ZNF385D: variants seen among roughly 807,000 people sequenced by gnomAD.
ZNF385D encodes zinc finger protein 659.
A neutral mutation model predicts 35.8 loss-of-function variants in ZNF385D; 15 were observed. The observed-to-expected ratio is 0.42, with a 90% CI of 0.28 to 0.64. ZNF385D has a LOEUF of 0.64. ZNF385D is among the 30% of genes least tolerant of loss of function. ZNF385D has a pLI of 0.23. For missense variants in ZNF385D, 474 were observed against 494.6 expected (o/e 0.96, Z 0.39); for synonymous variants, 212 against 186.8 (o/e 1.13, Z -1.10).
chr3:21,928,549 C>T (rs1037720425), intron 3 of ZNF385D, among the ~76,000 whole-genome samples: 2 of 151,970 alleles, frequency 1.3e-5, no homozygotes, highest in Non-Finnish European at 1.5e-5. Flanking sequence ...GCATGTGGAA[C>T]ATATTTCATA....
At chr3:21,526,303 A>C (rs1348729683) in intron 3 of ZNF385D, among the ~76,000 whole-genome samples, 1 of 151,902 alleles carries the variant, frequency 6.6e-6, no homozygotes, top group Admixed American at 6.6e-5. Flanking sequence ...CCTGCACACA[A>C]ACTTCCAAGC....
chr3:22,251,901 T>C (rs749721045), intron 2 of ZNF385D, among the ~76,000 whole-genome samples: 2 of 152,058 alleles, frequency 1.3e-5, no homozygotes, highest in African/African-American at 2.4e-5. Flanking sequence ...TTTTGTAAAA[T>C]AAGGTTTGGG....
chr3:22,210,141 G>A (rs35986684), intron 2 of ZNF385D, among the ~76,000 whole-genome samples: 26,385 of 151,790 alleles, frequency 0.17, 2,467 homozygotes, highest in African/African-American at 0.2. Context: ...GAAGGCAAGT[G>A]AAAGAGTCAT....
chr3:22,209,263 C>T (rs1192151910), intron 2 of ZNF385D, among the ~76,000 whole-genome samples: 2 of 151,834 alleles, frequency 1.3e-5, no homozygotes, highest in African/African-American at 4.8e-5. Context: ...ATAGACATGT[C>T]ACAAATGTTC....
At chr3:22,213,389 T>C (rs559339923) in intron 2 of ZNF385D, among the ~76,000 whole-genome samples, 2 of 152,202 alleles carry the variant, frequency 1.3e-5, no homozygotes, top group African/African-American at 4.8e-5. Flanking sequence ...ACCATTGGGT[T>C]ATAGTTTGTG....
chr3:21,493,971 C>CT (rs932982180), intron 4 of ZNF385D, among the ~76,000 whole-genome samples: 1 of 151,778 alleles, frequency 6.6e-6, no homozygotes, highest in Non-Finnish European at 1.5e-5. Flanking sequence ...GAAAAACAGG[C>CT]TTTTTTTTCC....
chr3:21,421,501 T>C, intron 7 of ZNF385D, 54 bp from the exon 8 acceptor site: 3 of 1,358,690 alleles, frequency 2.2e-6, no homozygotes, highest in Non-Finnish European at 3.1e-6. Flanking sequence ...AATTTGTACT[T>C]AAAACCCAAA....
chr3:21,664,080 T>C (rs1234481308), intron 2 of ZNF385D, among the ~76,000 whole-genome samples: 1 of 149,242 alleles, frequency 6.7e-6, no homozygotes. Context: ...TAACAACCAC[T>C]GTTGTTATCT....
chr3:21,719,700 G>A (rs567052756), intron 1 of ZNF385D, among the ~76,000 whole-genome samples: 4 of 152,202 alleles, frequency 2.6e-5, no homozygotes, highest in African/African-American at 7.2e-5. Flanking sequence ...ACTCTCTAGC[G>A]CCAGTCCGAT....
In ZNF385D at chr3:21,736,792, G is replaced by C. The variant is rs551374844; in HGVS notation, c.22+14103C>G. On this transcript the variant is annotated intron_variant, in intron 1 of 7. Transcript: ENST00000281523. ...TATCCTACAAATCCATGCTCTAAGA[G>C]GTCTTCAAGGCAGTTTGTCAGTTTA... Among the ~76,000 whole-genome samples the C allele has an allele frequency of 2.0e-5, 3 of 152,256 alleles. No individual in the cohort carries two copies. In the East Asian group the frequency reaches 5.8e-4, roughly 29 times the overall value.
intron 2 of ZNF385D, among the ~76,000 whole-genome samples, chr3:21,649,870 C>G (rs964153562): frequency 2.0e-5 from 3 of 152,046 alleles, no homozygotes; most frequent in Non-Finnish European, 4.4e-5. Context: ...TTGCTTGTCT[C>G]TTTATAAATT....
At chr3:21,818,616 C>T (rs796242113) in intron 3 of ZNF385D, among the ~76,000 whole-genome samples, 1 of 151,618 alleles carries the variant, frequency 6.6e-6, no homozygotes, top group African/African-American at 2.4e-5. Context: ...AGAGCATGGG[C>T]GTATGGAGGA....
intron 2 of ZNF385D, among the ~76,000 whole-genome samples, chr3:22,308,632 GAA>G (rs1163146212): frequency 6.6e-6 from 1 of 151,884 alleles, no homozygotes; most frequent in Non-Finnish European, 1.5e-5. Context: ...GAGGCGGCAT[GAA>G]AAAAGAGTTA....
At chr3:21,546,280 G>T (rs1559390405) in intron 3 of ZNF385D, among the ~76,000 whole-genome samples, 1 of 152,140 alleles carries the variant, frequency 6.6e-6, no homozygotes, top group South Asian at 2.1e-4. Flanking sequence ...GTAGGAATCC[G>T]GATTGATACT....
intron 1 of ZNF385D, among the ~76,000 whole-genome samples, chr3:21,682,541 G>T (rs1559514808): frequency 1.3e-5 from 2 of 150,112 alleles, no homozygotes; most frequent in African/African-American, 4.9e-5. Flanking sequence ...TGGAAGAAAG[G>T]ACACATTTTC....
intron 3 of ZNF385D, among the ~76,000 whole-genome samples, chr3:22,025,605 G>C (rs931894670): frequency 4.6e-5 from 7 of 152,114 alleles, no homozygotes; most frequent in African/African-American, 1.7e-4. Flanking sequence ...AGTTTAAAAA[G>C]GTTCTAACAG....
intron 2 of ZNF385D, among the ~76,000 whole-genome samples, chr3:21,621,586 T>TGTGTGTGTGC (rs745931181): frequency 6.7e-6 from 1 of 148,822 alleles, no homozygotes; most frequent in African/African-American, 2.5e-5. Context: ...TGTGTGTGTG[T>TGTGTGTGTGC]GCAGTGTAGT....
At chr3:21,577,670 C>A (rs2063532806) in intron 2 of ZNF385D, among the ~76,000 whole-genome samples, 1 of 152,072 alleles carries the variant, frequency 6.6e-6, no homozygotes, top group Non-Finnish European at 1.5e-5. Flanking sequence ...ACCTCACTAG[C>A]AGGTTATTTT....
intron 2 of ZNF385D, among the ~76,000 whole-genome samples, chr3:22,303,885 C>T (rs1414182289): frequency 6.6e-6 from 1 of 152,144 alleles, no homozygotes; most frequent in Non-Finnish European, 1.5e-5. Context: ...TCAAGCGATT[C>T]TTCTGCTTCA....
Sources: allele counts gnomAD v4.1 joint callset (sites outside exome capture counted in the v4.1 genomes callset), GRCh38; gene constraint gnomAD v4.1.1; transcripts MANE v1.5; gene names NCBI Gene and HGNC (gene_info 2026-07-23, HGNC 2026-07-21).